The following SERPINA9 variants were observed in gnomAD, a reference collection of about 807,000 sequenced individuals.
SERPINA9 encodes serpin family A member 9.
A neutral mutation model predicts 24.5 loss-of-function variants in SERPINA9; 32 were observed. That is an observed-to-expected ratio of 1.30 (90% confidence interval 0.98 to 1.75). SERPINA9 has a LOEUF of 1.75. SERPINA9 is among the 40% of genes most tolerant of loss of function. SERPINA9 has a pLI of 0.00. For synonymous variants in SERPINA9, 233 were observed against 197.7 expected, an observed-to-expected ratio of 1.18 and a Z score of -1.50; for missense variants, 594 against 497.1, an observed-to-expected ratio of 1.19 and a Z score of -1.85.
rs1898922381 is a variant in SERPINA9, at chr14:94,464,817, C to A, written c.940G>T (p.Ala314Ser). 2 of 1,613,622 alleles carry A rather than the reference C, an allele frequency of 1.2e-6. No homozygotes were observed. The highest frequency in any genetic ancestry group is 1.7e-6 in the Non-Finnish European group (2 of 1,179,696). ...EVFIPRFSISASYNLETILPK... is the reference protein window; with the variant it reads ...EVFIPRFSISSSYNLETILPK... Reference sequence around the variant, plus strand: ...AGGATGGTTTCCAGATTGTAGGAGGCAGAAATGGAAAATCTGGGGATGAAC... The same window carrying A: ...AGGATGGTTTCCAGATTGTAGGAGGAAGAAATGGAAAATCTGGGGATGAAC... Residue 314 changes from alanine to serine, a missense_variant, in exon 4 of 5, where the codon GCC (alanine) becomes TCC (serine). Transcript: ENST00000674397.
intron 1 of SERPINA9, among the ~76,000 whole-genome samples, chr14:94,474,672 T>A (rs752545361): frequency 6.6e-6 from 1 of 152,150 alleles, no homozygotes; most frequent in African/African-American, 2.4e-5. Flanking sequence ...GCCCCTCTTT[T>A]GGCTGTGGCC....
chr14:94,473,489 A>T (rs1899426368), intron 1 of SERPINA9, among the ~76,000 whole-genome samples: 1 of 144,802 alleles, frequency 6.9e-6, no homozygotes, highest in African/African-American at 2.6e-5. Context: ...ATTGCACTCC[A>T]GCCTGGGCAA....
rs575429531 is a variant in SERPINA9, at chr14:94,469,248, G to A, written c.593C>T (p.Thr198Met). 4.6e-5 allele frequency: 75 copies of A among 1,613,836 alleles called. No individual in the cohort carries two copies. The South Asian group carries it at 6.4e-4, about 14-fold the overall frequency. Residue 198 changes from threonine to methionine, a missense_variant, in exon 2 of 5, where the codon ACG (threonine) becomes ATG (methionine). By Grantham distance (81) the Thr-to-Met change is moderately conservative (BLOSUM62 -1). Transcript: ENST00000674397. ...VDIIQGLDLLTAMVLVNHIFF... is the reference protein window; with the variant it reads ...VDIIQGLDLLMAMVLVNHIFF... ...AATGTGGTTCACCAGAACCATGGCC[G>A]TCAGAAGGTCAAGGCCTTGGATTAT...
chr14:94,464,246 T>C (rs1898878357), intron 4 of SERPINA9: 1 of 167,582 alleles, frequency 6.0e-6, no homozygotes, highest in South Asian at 2.0e-4. Flanking sequence ...GACTTTTAGA[T>C]CTAATATACT....
intron 3 of SERPINA9, among the ~76,000 whole-genome samples, chr14:94,466,039 A>G (rs1898988918): frequency 6.6e-6 from 1 of 151,996 alleles, no homozygotes; most frequent in Non-Finnish European, 1.5e-5. Context: ...TTTCCCTGCC[A>G]CTGTCCTCTT....
intron 1 of SERPINA9, among the ~76,000 whole-genome samples, chr14:94,475,205 T>A (rs1179600300): frequency 1.3e-5 from 2 of 152,312 alleles, no homozygotes; most frequent in Middle Eastern, 3.4e-3. Flanking sequence ...CCCTGCCAAG[T>A]GCTGCTGGAA....
Position 94,472,088 on chromosome 14 carries a change from G to A in SERPINA9, c.-17-2231C>T, listed in dbSNP as rs561660586. Among the ~76,000 whole-genome samples the A allele has an allele frequency of 3.3e-5, 5 of 152,220 alleles. No homozygotes were observed. In the East Asian group the frequency reaches 9.7e-4, roughly 29 times the overall value. ...TGGGGGACAGATAGCCAGGGTCCTGGCTCTTAAAGAGTTCTCTGGGAACCC... is the reference window on the plus strand; with the variant it reads ...TGGGGGACAGATAGCCAGGGTCCTGACTCTTAAAGAGTTCTCTGGGAACCC... On this transcript the variant is annotated intron_variant, in intron 1 of 4. Coordinates refer to ENST00000674397, the MANE Select transcript of SERPINA9 (RefSeq NM_175739.4).
In SERPINA9 at chr14:94,469,533, G is replaced by A. The variant is rs780991821; in HGVS notation, c.308C>T (p.Thr103Ile). The A allele has an allele frequency of 1.4e-5, 22 of 1,614,072 alleles. 1 individual carries two copies. The Admixed American group carries it at 3.7e-4, about 27-fold the overall frequency. ...GTGGATGGCAGACTCTGGTGTGTGTGTGAGGTTGAAGCCCAGGCCCTGGAG... is the reference window on the plus strand; with the variant it reads ...GTGGATGGCAGACTCTGGTGTGTGTATGAGGTTGAAGCCCAGGCCCTGGAG... ...QILQGLGFNL[T>I]HTPESAIHQG... The change falls in exon 2 of 5, where the codon ACA (threonine) becomes ATA (isoleucine). Residue 103 changes from threonine to isoleucine, a missense_variant. Thr to Ile is a moderately conservative substitution (Grantham distance 89). Coordinates refer to ENST00000674397, the MANE Select transcript of SERPINA9 (RefSeq NM_175739.4).
At chr14:94,471,170 C>A (rs1161695986) in intron 1 of SERPINA9, among the ~76,000 whole-genome samples, 1 of 150,794 alleles carries the variant, frequency 6.6e-6, no homozygotes, top group East Asian at 2.0e-4. Flanking sequence ...TCAGACTTTG[C>A]TCTTTAGTCA....
At position 94,475,710 on chromosome 14, in the gene SERPINA9, T is replaced by C. The variant is rs187448215; in HGVS notation, c.-18+426A>G. On this transcript the variant is annotated intron_variant, in intron 1 of 4. Coordinates refer to ENST00000674397, the MANE Select transcript of SERPINA9 (RefSeq NM_175739.4). ...TCAGGACCCTTCCACCTCTCTTTTC[T>C]GCACTTAAACACTCCCTCTCAAGCT... Among the ~76,000 whole-genome samples the C allele has an allele frequency of 1.2e-4, 19 of 152,316 alleles. No individual in the cohort carries two copies. The East Asian group carries it at 3.1e-3, about 25-fold the overall frequency.
At chr14:94,465,566 C>T (rs1004598853) in intron 3 of SERPINA9, among the ~76,000 whole-genome samples, 8 of 152,090 alleles carry the variant, frequency 5.3e-5, no homozygotes, top group South Asian at 2.1e-4. Flanking sequence ...CTCACTCTGT[C>T]GCTCAGGCTG....
intron 3 of SERPINA9, among the ~76,000 whole-genome samples, chr14:94,465,889 T>C (rs1898981287): frequency 6.6e-6 from 1 of 152,230 alleles, no homozygotes; most frequent in Admixed American, 6.5e-5. Flanking sequence ...TTAAAGACGG[T>C]AAAGCTTACT....
At chr14:94,465,267 T>C (rs984177825) in intron 3 of SERPINA9, among the ~76,000 whole-genome samples, 2 of 152,220 alleles carry the variant, frequency 1.3e-5, no homozygotes, top group African/African-American at 4.8e-5. Flanking sequence ...CAGAACTTCC[T>C]GTGATGCTGG....
intron 3 of SERPINA9, 34 bp downstream of exon 3, chr14:94,467,075 C>A (rs1899035275): frequency 3.8e-6 from 6 of 1,600,002 alleles, no homozygotes; most frequent in Non-Finnish European, 4.3e-6. Flanking sequence ...GCATCCCCTG[C>A]CTCAGGGCCC....
At position 94,467,324 on chromosome 14, in the gene SERPINA9, C is replaced by A; in HGVS notation, c.687G>T (p.Val229=). ...GGACATGCACAGTGACCTGCTCGCC[C>A]ACCAGGAATGGGAAGTTCTTTCTTG... ...EYTRKNFPFL[V]GEQVTVHVPM... The change falls in exon 3 of 5, where the codon GTG becomes GTT. Residue 229 remains valine, a synonymous_variant. Transcript: ENST00000674397. 1 of 1,614,020 alleles carries A rather than the reference C, an allele frequency of 6.2e-7. No individual in the cohort carries two copies. Among genetic ancestry groups the A allele is most frequent in the Non-Finnish European group, 8.5e-7 (1 of 1,179,898 alleles).
rs796392665 is a variant in SERPINA9 at position 94,475,420 on chromosome 14, GCACA to G, written c.-18+712_-18+715del. ...TACATATGCATGTGTGCCTACATGT[GCACA>G]CACACACACACATACACACACACAC... is the stretch of plus-strand genomic sequence containing the variant. On this transcript the variant is annotated intron_variant, in intron 1 of 4. Coordinates refer to ENST00000674397, the MANE Select transcript of SERPINA9 (RefSeq NM_175739.4). Among the ~76,000 whole-genome samples the G allele has an allele frequency of 3.7e-3, 413 of 111,734 alleles. 4 individuals are homozygous for G. The highest frequency in any genetic ancestry group is 0.014 in the African/African-American group (396 of 28,416). 73.3% of individuals were successfully genotyped at this position (111,734 alleles called of 152,430 possible).
At chr14:94,474,597 C>T (rs899586484) in intron 1 of SERPINA9, among the ~76,000 whole-genome samples, 1 of 152,228 alleles carries the variant, frequency 6.6e-6, no homozygotes, top group African/African-American at 2.4e-5. Flanking sequence ...CTTTGCTTCT[C>T]CCCACCCTGA....
chr14:94,472,204 C>T (rs1369853579), intron 1 of SERPINA9, among the ~76,000 whole-genome samples: 1 of 152,196 alleles, frequency 6.6e-6, no homozygotes, highest in Admixed American at 6.5e-5. Flanking sequence ...GCAGTCAACA[C>T]CAATAGCAAC....
intron 1 of SERPINA9, 131 bp from the exon 2 acceptor site, chr14:94,469,988 A>T: frequency 1.3e-6 from 1 of 750,930 alleles, no homozygotes; most frequent in Non-Finnish European, 2.0e-6. Flanking sequence ...GCTCTCTCAC[A>T]TAATCTCTGA....
Sources: gnomAD v4.1 joint callset for allele counts (sites outside exome capture counted in the v4.1 genomes callset) on GRCh38, gnomAD v4.1.1 for gene constraint, MANE v1.5 for transcripts, NCBI Gene and HGNC (gene_info 2026-07-23, HGNC 2026-07-21) for gene names.